NRXN3: variants seen among roughly 807,000 people sequenced by gnomAD.
The protein encoded by NRXN3 is neurexin III.
NRXN3 carries 32 observed loss-of-function variants against 137.6 expected under a neutral mutation model. The observed-to-expected ratio is 0.23, with a 90% CI of 0.18 to 0.31. The LOEUF is 0.31. Among genes scored for constraint, NRXN3 ranks in the 10% least tolerant of loss-of-function variants. The probability of loss-of-function intolerance (pLI) is 1.00; values close to 1 mark genes in which losing one functional copy is unlikely to be tolerated. For missense variants in NRXN3, 1,574 were observed against 2,062.5 expected, an observed-to-expected ratio of 0.76 and a Z score of 4.59; for synonymous variants, 798 against 784.5, an observed-to-expected ratio of 1.02 and a Z score of -0.29.
intron 2 of NRXN3, among the ~76,000 whole-genome samples, chr14:78,271,814 T>C (rs896875688): frequency 6.6e-5 from 10 of 152,112 alleles, no homozygotes; most frequent in African/African-American, 2.4e-4. Flanking sequence ...TCTATGAAGG[T>C]AGATGAATGG....
At chr14:78,182,762 C>T (rs1363894468) in intron 1 of NRXN3, among the ~76,000 whole-genome samples, 4 of 152,166 alleles carry the variant, frequency 2.6e-5, no homozygotes, top group Admixed American at 1.3e-4. Flanking sequence ...TGAGCCACTG[C>T]GCCTGGCCTA....
chr14:79,721,586 G>A (rs76826888), intron 19 of NRXN3, among the ~76,000 whole-genome samples: 9,408 of 152,042 alleles, frequency 0.062, 333 homozygotes, highest in South Asian at 0.098. Flanking sequence ...GAATGACTTC[G>A]GAAAAAAGAT....
intron 15 of NRXN3, among the ~76,000 whole-genome samples, chr14:79,426,724 G>T (rs1282121388): frequency 6.6e-6 from 1 of 152,200 alleles, no homozygotes; most frequent in Non-Finnish European, 1.5e-5. Flanking sequence ...TTGAGGATGG[G>T]AGAAGGGACT....
chr14:78,494,426 G>GTTTTTTTTTTTTT (rs1047418197), intron 4 of NRXN3, among the ~76,000 whole-genome samples: 3 of 134,978 alleles, frequency 2.2e-5, no homozygotes, highest in African/African-American at 8.6e-5. Flanking sequence ...GAGGTGTTTT[G>GTTTTTTTTTTTTT]TTTTTTTTTT....
chr14:78,244,595 T>C (rs1032119302), intron 2 of NRXN3, among the ~76,000 whole-genome samples: 3 of 152,194 alleles, frequency 2.0e-5, no homozygotes, highest in African/African-American at 7.2e-5. Flanking sequence ...AACCCAGTTC[T>C]TCTATTGGGG....
intron 15 of NRXN3, among the ~76,000 whole-genome samples, chr14:79,075,843 G>A (rs752777262): frequency 2.0e-5 from 3 of 152,180 alleles, no homozygotes; most frequent in Non-Finnish European, 4.4e-5. Flanking sequence ...TGAGGTAGAT[G>A]TCCTTCCCAT....
chr14:78,489,468 A>G (rs1343523122), intron 4 of NRXN3, among the ~76,000 whole-genome samples: 3 of 152,068 alleles, frequency 2.0e-5, no homozygotes, highest in African/African-American at 7.2e-5. Flanking sequence ...AGTATGTTGT[A>G]TGCAGCTAGG....
At chr14:79,803,625 G>T (rs1345860167) in intron 19 of NRXN3, among the ~76,000 whole-genome samples, 1 of 151,942 alleles carries the variant, frequency 6.6e-6, no homozygotes, top group Non-Finnish European at 1.5e-5. Flanking sequence ...TGAGGGGCTG[G>T]GGAGTAGGAC....
chr14:79,800,020 C>T (rs1350177467), intron 19 of NRXN3, among the ~76,000 whole-genome samples: 2 of 152,152 alleles, frequency 1.3e-5, no homozygotes, highest in African/African-American at 4.8e-5. Flanking sequence ...AATCTAACAG[C>T]CCAGCCACTG....
chr14:78,898,287 A>G (rs1597137316), intron 10 of NRXN3, among the ~76,000 whole-genome samples: 1 of 151,974 alleles, frequency 6.6e-6, no homozygotes, highest in Non-Finnish European at 1.5e-5. Flanking sequence ...GAGAGAATTC[A>G]TTGGGTGTTT....
chr14:78,355,294 A>G (rs1237588527), intron 4 of NRXN3, among the ~76,000 whole-genome samples: 1 of 151,824 alleles, frequency 6.6e-6, no homozygotes, highest in African/African-American at 2.4e-5. Flanking sequence ...ACAGTGAGAG[A>G]TGGGAGAACA....
chr14:78,386,172 T>C (rs2089954798), intron 4 of NRXN3, among the ~76,000 whole-genome samples: 1 of 152,166 alleles, frequency 6.6e-6, no homozygotes, highest in Non-Finnish European at 1.5e-5. Context: ...GCCAGACAGA[T>C]CTATATTCAG....
At chr14:79,154,851 A>T (rs1467954616) in intron 15 of NRXN3, among the ~76,000 whole-genome samples, 11 of 151,962 alleles carry the variant, frequency 7.2e-5, no homozygotes, top group Admixed American at 7.2e-4. Context: ...ATATGTAAGT[A>T]AAACTTCTTA....
chr14:79,488,130 G>C (rs1171100788), intron 16 of NRXN3, among the ~76,000 whole-genome samples: 1 of 152,142 alleles, frequency 6.6e-6, no homozygotes, highest in East Asian at 1.9e-4. Context: ...AAGTGAAGTA[G>C]AATTTGCTGC....
chr14:78,912,525 C>T (rs154321), intron 10 of NRXN3, among the ~76,000 whole-genome samples: 1,958 of 152,070 alleles, frequency 0.013, 46 homozygotes, highest in African/African-American at 0.045. Flanking sequence ...GTCACTGCTG[C>T]TCATATTGTC....
intron 20 of NRXN3, among the ~76,000 whole-genome samples, chr14:79,841,777 AC>A (rs1259242422): frequency 9.2e-5 from 14 of 152,288 alleles, no homozygotes; most frequent in Admixed American, 7.2e-4. Context: ...ATATTCCAAT[AC>A]CTGTTTATGG....
intron 20 of NRXN3, among the ~76,000 whole-genome samples, chr14:79,837,516 C>T (rs1284676635): frequency 1.3e-5 from 2 of 152,172 alleles, no homozygotes; most frequent in Admixed American, 6.5e-5. Context: ...GCAGCATCCA[C>T]TTTTACTTAT....
chr14:79,713,344 G>A, intron 19 of NRXN3, among the ~76,000 whole-genome samples: 1 of 148,902 alleles, frequency 6.7e-6, no homozygotes. Context: ...TCCTGACTTT[G>A]GTATGATTTG....
rs985777030 is a variant in NRXN3, at chr14:79,537,102, C to A, written c.3444+69700C>A. 2.0e-5 allele frequency among the ~76,000 whole-genome samples: 3 copies of A among 152,226 alleles called. No homozygotes were observed. In the East Asian group the frequency reaches 5.8e-4, roughly 29 times the overall value. On this transcript the variant is annotated intron_variant, in intron 16 of 20. Transcript: ENST00000335750. ...CAGTGTAAAAGCATTCCTACTTCTC[C>A]ACAGCCTCACTAGCATCTGTTGTTT...
Sources: gnomAD v4.1 joint callset for allele counts (sites outside exome capture counted in the v4.1 genomes callset) on GRCh38, gnomAD v4.1.1 for gene constraint, MANE v1.5 for transcripts, NCBI Gene and HGNC (gene_info 2026-07-23, HGNC 2026-07-21) for gene names.